Variants in SNX29 observed in about 807,000 individuals in gnomAD.
SNX29 encodes sorting nexin 29, also known as sorting nexin-29.
In SNX29, 78 loss-of-function variants were observed where a neutral mutation model predicts 102.1. The observed-to-expected ratio is 0.76, with a 90% confidence interval of 0.64 to 0.92. The LOEUF (loss-of-function observed/expected upper bound fraction) is 0.92. Among genes scored for constraint, SNX29 ranks in the 40% least tolerant of loss-of-function variants. SNX29 has a pLI of 0.00. For synonymous variants in SNX29, 580 were observed against 414.5 expected (o/e 1.40, Z -4.85); for missense variants, 1,280 against 1,061.7 (o/e 1.21, Z -2.86).
intron 18 of SNX29, among the ~76,000 whole-genome samples, chr16:12,406,546 G>A (rs1319067094): frequency 6.6e-6 from 1 of 152,238 alleles, no homozygotes; most frequent in Admixed American, 6.5e-5. Flanking sequence ...GTGCTCCCTG[G>A]TACTGGAGCT....
intron 13 of SNX29, among the ~76,000 whole-genome samples, chr16:12,195,985 C>CT (rs762409358): frequency 0.03 from 3,595 of 117,918 alleles, 76 homozygotes; most frequent in East Asian, 0.041. Context: ...GTTTCTTTTC[C>CT]TTTTTTTTTT....
chr16:12,392,698 C>G (rs2083571774), intron 16 of SNX29, among the ~76,000 whole-genome samples: 1 of 152,144 alleles, frequency 6.6e-6, no homozygotes, highest in Non-Finnish European at 1.5e-5. Flanking sequence ...CTCTTATTTG[C>G]CAAGTTTTTA....
At chr16:12,267,016 G>C (rs2078949424) in intron 14 of SNX29, among the ~76,000 whole-genome samples, 1 of 152,150 alleles carries the variant, frequency 6.6e-6, no homozygotes, top group South Asian at 2.1e-4. Context: ...GCCTGCCTCA[G>C]CCTCCCAAAG....
At chr16:12,478,900 A>C (rs533840797) in intron 19 of SNX29, among the ~76,000 whole-genome samples, 23 of 152,172 alleles carry the variant, frequency 1.5e-4, no homozygotes, top group Non-Finnish European at 2.8e-4. Flanking sequence ...CTTAGAGTCA[A>C]GAAGGAGACA....
intron 20 of SNX29, among the ~76,000 whole-genome samples, chr16:12,557,132 A>T (rs1181210370): frequency 6.6e-6 from 1 of 151,760 alleles, no homozygotes; most frequent in Non-Finnish European, 1.5e-5. Context: ...TAGACACAGG[A>T]GTCACTGCCC....
intron 19 of SNX29, among the ~76,000 whole-genome samples, chr16:12,506,503 A>C (rs1443605364): frequency 6.6e-6 from 1 of 152,220 alleles, no homozygotes; most frequent in African/African-American, 2.4e-5. Context: ...TATCTATTAT[A>C]AATTGTGAGC....
At chr16:12,101,928 T>C (rs2053039062) in intron 11 of SNX29, among the ~76,000 whole-genome samples, 1 of 152,080 alleles carries the variant, frequency 6.6e-6, no homozygotes, top group South Asian at 2.1e-4. Context: ...CCCCCTACCC[T>C]CAGACAGGCC....
chr16:12,508,651 A>T (rs1040687575), intron 19 of SNX29, among the ~76,000 whole-genome samples: 14 of 152,130 alleles, frequency 9.2e-5, no homozygotes, highest in Non-Finnish European at 1.9e-4. Context: ...CGCTTTACCA[A>T]CGTTCCTGGT....
At chr16:11,989,277 C>G (rs1324071125) in intron 1 of SNX29, among the ~76,000 whole-genome samples, 1 of 152,064 alleles carries the variant, frequency 6.6e-6, no homozygotes, top group Non-Finnish European at 1.5e-5. Flanking sequence ...CCGGCCTGCT[C>G]TAGAGTAAAT....
At chr16:12,066,486 T>C (rs11639695) in intron 9 of SNX29, among the ~76,000 whole-genome samples, 51,143 of 151,360 alleles carry the variant, frequency 0.34, 8,888 homozygotes, top group African/African-American at 0.43. Context: ...CCCAGTAGAG[T>C]TTTCTAGAAG....
At chr16:12,565,879 C>T (rs889667281) in intron 20 of SNX29, among the ~76,000 whole-genome samples, 1 of 152,238 alleles carries the variant, frequency 6.6e-6, no homozygotes, top group Non-Finnish European at 1.5e-5. Flanking sequence ...CTCAGAACAA[C>T]CTGAGTTCCC....
chr16:12,221,519 C>T lies in SNX29; in HGVS notation c.1678+21836C>T, dbSNP rs569462251. The stretch of plus-strand genomic sequence containing the variant: ...ATTGCAGCTACTTGGGAGGCTGAGG[C>T]AGGAGAATCACTTGAACCCGGGAGG... On this transcript the variant is annotated intron_variant, in intron 14 of 20. Coordinates refer to ENST00000566228, the MANE Select transcript of SNX29 (RefSeq NM_032167.5). Among the ~76,000 whole-genome samples the T allele has an allele frequency of 6.6e-5, 10 of 152,282 alleles. No individual in the cohort carries two copies. The East Asian group carries it at 1.9e-3, about 29-fold the overall frequency.
At chr16:12,350,188 C>T (rs1350438743) in intron 15 of SNX29, among the ~76,000 whole-genome samples, 1 of 152,156 alleles carries the variant, frequency 6.6e-6, no homozygotes, top group Non-Finnish European at 1.5e-5. Context: ...TTACAGTTGG[C>T]CCTCTGTATC....
intron 16 of SNX29, among the ~76,000 whole-genome samples, chr16:12,390,908 A>AT (rs1383063619): frequency 1.3e-5 from 2 of 150,986 alleles, no homozygotes; most frequent in Non-Finnish European, 3.0e-5. Context: ...AAAGAAAAAA[A>AT]CACTTACTTA....
intron 12 of SNX29, among the ~76,000 whole-genome samples, chr16:12,127,509 C>T (rs2054269551): frequency 6.6e-6 from 1 of 151,456 alleles, no homozygotes; most frequent in Admixed American, 6.6e-5. Context: ...GCAACCTCCA[C>T]CTCCCGGGCT....
At chr16:12,542,777 C>T (rs1220334796) in intron 20 of SNX29, among the ~76,000 whole-genome samples, 1 of 146,718 alleles carries the variant, frequency 6.8e-6, no homozygotes, top group Non-Finnish European at 1.5e-5. Flanking sequence ...TTTTTTTAAA[C>T]AAAGTATTAG....
chr16:12,147,859 A>T (rs2055130474), intron 13 of SNX29, among the ~76,000 whole-genome samples: 1 of 152,212 alleles, frequency 6.6e-6, no homozygotes, highest in Admixed American at 6.5e-5. Context: ...GACAGTGGCA[A>T]TGTGACATCA....
In SNX29 at chr16:12,496,045, C is replaced by CAA. The variant is rs35546825; in HGVS notation, c.2178+18195_2178+18196dup. ...CCTGGGCGACAGGATGAGACTCTGT[C>CAA]AAAAAAAAAATGTCTGCAGGTTTCA... On this transcript the variant is annotated intron_variant, in intron 19 of 20. Transcript: ENST00000566228. 4.0e-4 allele frequency among the ~76,000 whole-genome samples: 59 copies of CAA among 148,908 alleles called. No homozygotes were observed. The South Asian group carries it at 8.7e-3, about 22-fold the overall frequency.
intron 14 of SNX29, among the ~76,000 whole-genome samples, chr16:12,247,549 C>A (rs902746235): frequency 6.6e-6 from 1 of 152,154 alleles, no homozygotes; most frequent in African/African-American, 2.4e-5. Context: ...AACTGGGCAC[C>A]TGTGATTGAC....
Sources: allele counts gnomAD v4.1 joint callset (sites outside exome capture counted in the v4.1 genomes callset), GRCh38; gene constraint gnomAD v4.1.1; transcripts MANE v1.5; gene names NCBI Gene and HGNC (gene_info 2026-07-23, HGNC 2026-07-21).